The following KIAA1217 variants were observed in gnomAD, a reference collection of about 807,000 sequenced individuals.
The protein encoded by KIAA1217 is sickle tail protein homolog.
A neutral mutation model predicts 163.9 loss-of-function variants in KIAA1217; 88 were observed. That is an observed-to-expected ratio of 0.54 (90% confidence interval 0.45 to 0.64). KIAA1217 has a LOEUF of 0.64. Ranked by LOEUF, KIAA1217 falls within the 30% of genes least tolerant of loss-of-function variation. The probability of loss-of-function intolerance (pLI) is 0.00; values close to 1 mark genes in which losing one functional copy is unlikely to be tolerated. For synonymous variants in KIAA1217, 903 were observed against 923.1 expected (o/e 0.98, Z 0.39); for missense variants, 2,372 against 2,475.0 (o/e 0.96, Z 0.88).
At chr10:23,701,199 A>G (rs1836427398) in intron 1 of KIAA1217, among the ~76,000 whole-genome samples, 1 of 152,208 alleles carries the variant, frequency 6.6e-6, no homozygotes, top group Non-Finnish European at 1.5e-5. Flanking sequence ...TTGTGGTCAG[A>G]GGCAGAACTC....
chr10:23,711,493 C>T (rs1259985475), intron 1 of KIAA1217, among the ~76,000 whole-genome samples: 1 of 152,068 alleles, frequency 6.6e-6, no homozygotes, highest in East Asian at 1.9e-4. Flanking sequence ...TGGCAGACAG[C>T]GTGGTTTTGG....
At position 24,528,085 on chromosome 10, in the gene KIAA1217, G is replaced by C; in HGVS notation, c.3048G>C (p.Arg1016Ser). The change falls in exon 14 of 21, where the codon AGG becomes AGC. Residue 1016 changes from arginine (R) to serine (S), a missense_variant. By Grantham distance (110) the Arg-to-Ser change is moderately radical. Coordinates refer to ENST00000376454, the MANE Select transcript of KIAA1217 (RefSeq NM_019590.5). ...EMPPATGPLP[R>S]GDAPVDKVEL... ...CGCCAGCCACAGGCCCACTGCCAAGGGGAGATGCCCCAGTGGACAAGGTGG... is the reference window on the plus strand; with the variant it reads ...CGCCAGCCACAGGCCCACTGCCAAGCGGAGATGCCCCAGTGGACAAGGTGG... 6.2e-7 allele frequency: 1 copy of C among 1,614,068 alleles called. No homozygotes were observed. Among genetic ancestry groups the C allele is most frequent in the Non-Finnish European group, 8.5e-7 (1 of 1,179,986 alleles).
At chr10:23,889,809 A>C (rs912988987) in intron 1 of KIAA1217, among the ~76,000 whole-genome samples, 33 of 151,806 alleles carry the variant, frequency 2.2e-4, no homozygotes, top group Admixed American at 1.2e-3. Flanking sequence ...AATACAATTA[A>C]TTTTTGTGCA....
At chr10:23,857,019 G>C (rs147289023) in intron 1 of KIAA1217, among the ~76,000 whole-genome samples, 1 of 152,312 alleles carries the variant, frequency 6.6e-6, no homozygotes, top group Non-Finnish European at 1.5e-5. Flanking sequence ...TGCACCCACT[G>C]TCCTGCACCC....
chr10:24,511,940 G>A (rs372803749), intron 9 of KIAA1217, among the ~76,000 whole-genome samples: 2 of 152,068 alleles, frequency 1.3e-5, no homozygotes, highest in Non-Finnish European at 2.9e-5. Context: ...ACCAACCTAC[G>A]AGCTATGAGA....
intron 1 of KIAA1217, among the ~76,000 whole-genome samples, chr10:23,723,512 A>C (rs374250007): frequency 6.6e-6 from 1 of 152,216 alleles, no homozygotes; most frequent in Non-Finnish European, 1.5e-5. Context: ...GTCTTAGTGC[A>C]TGCATCTTGG....
chr10:23,793,149 GA>G (rs1483945182), intron 1 of KIAA1217, among the ~76,000 whole-genome samples: 4 of 152,010 alleles, frequency 2.6e-5, no homozygotes, highest in African/African-American at 7.3e-5. Flanking sequence ...TATTGATTAG[GA>G]ATGTGCGCGC....
intron 1 of KIAA1217, among the ~76,000 whole-genome samples, chr10:23,855,862 T>G (rs558244673): frequency 2.3e-4 from 35 of 152,230 alleles, no homozygotes; most frequent in Non-Finnish European, 4.3e-4. Flanking sequence ...TTCGGCTCCA[T>G]CAGCTCCTTT....
intron 1 of KIAA1217, among the ~76,000 whole-genome samples, chr10:23,856,254 G>T (rs1839654128): frequency 6.6e-6 from 1 of 152,222 alleles, no homozygotes; most frequent in East Asian, 1.9e-4. Flanking sequence ...CTGCAGGTCT[G>T]TTGGAGTTTG....
intron 1 of KIAA1217, among the ~76,000 whole-genome samples, chr10:23,838,939 T>C (rs999747568): frequency 1.3e-5 from 2 of 152,190 alleles, no homozygotes; most frequent in African/African-American, 4.8e-5. Context: ...GGCTACCAAT[T>C]ATACATAAAT....
chr10:23,998,044 A>C (rs2131456515), intron 1 of KIAA1217, among the ~76,000 whole-genome samples: 1 of 149,560 alleles, frequency 6.7e-6, no homozygotes, highest in East Asian at 2.0e-4. Context: ...ATTTATACCA[A>C]CTCCCCAGGA....
At chr10:24,442,743 A>G (rs538324609) in intron 5 of KIAA1217, among the ~76,000 whole-genome samples, 33 of 152,128 alleles carry the variant, frequency 2.2e-4, no homozygotes, top group South Asian at 4.2e-4. Context: ...TGAGTTACCA[A>G]TGATTCTTCT....
intron 9 of KIAA1217, among the ~76,000 whole-genome samples, chr10:24,503,161 CT>C (rs2067893731): frequency 6.6e-6 from 1 of 152,152 alleles, no homozygotes; most frequent in Admixed American, 6.5e-5. Flanking sequence ...ACAATTTCCC[CT>C]TGCCCTCTGC....
At chr10:24,267,543 C>T (rs527722104) in intron 2 of KIAA1217, among the ~76,000 whole-genome samples, 7 of 152,260 alleles carry the variant, frequency 4.6e-5, no homozygotes, top group African/African-American at 1.4e-4. Context: ...GAACTCCTGG[C>T]CTCAAATGAT....
chr10:24,501,836 T>C (rs12243602), intron 9 of KIAA1217, among the ~76,000 whole-genome samples: 60,235 of 144,062 alleles, frequency 0.42, 13,667 homozygotes, highest in African/African-American at 0.63. Flanking sequence ...GCAAGCTCCG[T>C]CTCCCGGGTT....
At position 24,411,251 on chromosome 10, in the gene KIAA1217, C is replaced by T. The variant is rs150165840; in HGVS notation, c.554-21744C>T. On this transcript the variant is annotated intron_variant, in intron 3 of 20. Transcript: ENST00000376454. ...TTTACTGCTGTGTGTGACTGAGTTCCTACTTAATATTCATTGACACAAAAG... is the reference window on the plus strand; with the variant it reads ...TTTACTGCTGTGTGTGACTGAGTTCTTACTTAATATTCATTGACACAAAAG... Among the ~76,000 whole-genome samples, 401 of 152,086 alleles carry T rather than the reference C, an allele frequency of 2.6e-3. 5 individuals are homozygous for T. Among genetic ancestry groups the T allele is most frequent in the African/African-American group, 9.0e-3 (371 of 41,446 alleles).
intron 1 of KIAA1217, among the ~76,000 whole-genome samples, chr10:23,748,966 T>C (rs1418195660): frequency 1.3e-5 from 2 of 152,198 alleles, no homozygotes; most frequent in East Asian, 3.9e-4. Context: ...AACTTCATCA[T>C]CACTTCTCTG....
chr10:24,026,075 C>T (rs1018983751), intron 2 of KIAA1217, among the ~76,000 whole-genome samples: 1 of 151,608 alleles, frequency 6.6e-6, no homozygotes, highest in Non-Finnish European at 1.5e-5. Flanking sequence ...AATGTAGTAC[C>T]TTTTTTCAAA....
chr10:23,882,208 A>G (rs1840980722), intron 1 of KIAA1217, among the ~76,000 whole-genome samples: 1 of 151,988 alleles, frequency 6.6e-6, no homozygotes, highest in African/African-American at 2.4e-5. Flanking sequence ...TCTCATATAT[A>G]CCTCATTGCA....
Sources: gnomAD v4.1 joint callset for allele counts (sites outside exome capture counted in the v4.1 genomes callset) on GRCh38, gnomAD v4.1.1 for gene constraint, MANE v1.5 for transcripts, NCBI Gene and HGNC (gene_info 2026-07-23, HGNC 2026-07-21) for gene names.